The following INSR variants were observed in gnomAD, a reference collection of about 807,000 sequenced individuals.
The protein encoded by INSR is insulin receptor.
In INSR, 67 loss-of-function variants were observed where a neutral mutation model predicts 142.6. The observed-to-expected ratio is 0.47, with a 90% confidence interval of 0.39 to 0.58. INSR has a LOEUF of 0.58. Among genes scored for constraint, INSR ranks in the 20% least tolerant of loss-of-function variants. The probability of loss-of-function intolerance (pLI) is 0.00; values close to 1 mark genes in which losing one functional copy is unlikely to be tolerated. For synonymous variants in INSR, 756 were observed against 743.1 expected, an observed-to-expected ratio of 1.02 and a Z score of -0.28; for missense variants, 1,248 against 1,833.2, an observed-to-expected ratio of 0.68 and a Z score of 5.83.
Position 7,126,853 on chromosome 19 carries a change from G to A in INSR, c.2946-202C>T, listed in dbSNP as rs372220089. The stretch of plus-strand genomic sequence containing the variant: ...GACAGGTATGTAAGTGCATCAACAT[G>A]GGAGCACTCATCCCTCCCTGGGTGG... On this transcript the variant is annotated intron_variant, in intron 15 of 21. Transcript: ENST00000302850. 3.3e-4 allele frequency among the ~76,000 whole-genome samples: 50 copies of A among 151,934 alleles called. No individual in the cohort carries two copies. The South Asian group carries it at 0.01, about 31-fold the overall frequency.
chr19:7,124,378 A>AAG lies in INSR; in HGVS notation c.3258+904_3258+905insCT, dbSNP rs1555735522. 1.3e-4 allele frequency among the ~76,000 whole-genome samples: 15 copies of AAG among 119,042 alleles called. 1 individual carries two copies. Among genetic ancestry groups the AAG allele is most frequent in the Non-Finnish European group, 2.0e-4 (12 of 58,906 alleles). 78.1% of individuals were successfully genotyped at this position (119,042 alleles called of 152,430 possible). On this transcript the variant is annotated intron_variant, in intron 17 of 21. Coordinates refer to ENST00000302850, the MANE Select transcript of INSR (RefSeq NM_000208.4). ...AGTGAGACTCCATCTCAAAAAAAAAAAAAAAAAACAATCAGCCAGGCGTGG... is the reference window on the plus strand; with the variant it reads ...AGTGAGACTCCATCTCAAAAAAAAAAAGAAAAAAAACAATCAGCCAGGCGTGG...
At chr19:7,254,954 C>G (rs1224739494) in intron 2 of INSR, among the ~76,000 whole-genome samples, 1 of 152,196 alleles carries the variant, frequency 6.6e-6, no homozygotes, top group African/African-American at 2.4e-5. Flanking sequence ...TACCCGCCTT[C>G]TTCCCAAAAG....
chr19:7,168,012 G>T lies in INSR; in HGVS notation c.1566C>A (p.Pro522=). Reference sequence around the variant, plus strand: ...TGAACCCCAAGAGGTCTCGGAAGTCGGGGGGCCAGTACGGCTCCCATCTCA... The same window carrying T: ...TGAACCCCAAGAGGTCTCGGAAGTCTGGGGGCCAGTACGGCTCCCATCTCA... The part of the protein sequence containing the change: ...ILLRWEPYWP[P]DFRDLLGFML... The change falls in exon 7 of 22, where the codon CCC becomes CCA. Residue 522 remains proline (P), a synonymous_variant. Coordinates refer to ENST00000302850, the MANE Select transcript of INSR (RefSeq NM_000208.4). The surrounding 1 kb of genome is among the most constrained non-coding windows in gnomAD (Gnocchi z 4.3). The T allele has an allele frequency of 1.2e-6, 2 of 1,613,730 alleles. No homozygotes were observed. Among genetic ancestry groups the T allele is most frequent in the Non-Finnish European group, 1.7e-6 (2 of 1,179,740 alleles).
intron 2 of INSR, among the ~76,000 whole-genome samples, chr19:7,227,435 G>C (rs1400929556): frequency 6.6e-6 from 1 of 151,998 alleles, no homozygotes; most frequent in Admixed American, 6.6e-5. Flanking sequence ...ACCACACCTG[G>C]TTAATTTTTG....
chr19:7,149,564 G>GT (rs1256257565), intron 11 of INSR, among the ~76,000 whole-genome samples: 1 of 152,124 alleles, frequency 6.6e-6, no homozygotes, highest in East Asian at 1.9e-4. Flanking sequence ...GCTCACGCCT[G>GT]TAATTCCAGC....
Position 7,184,316 on chromosome 19 carries a change from T to A in INSR, c.974A>T (p.Asn325Ile). Residue 325 changes from asparagine (N) to isoleucine (I), a missense_variant and splice_region_variant, in exon 3 of 22, where the codon AAC (asparagine) becomes ATC (isoleucine). Physicochemically the swap from Asn to Ile is moderately radical, Grantham distance 149. This residue lies in a region of INSR where 1,069 missense variants were observed against 1,654.0 expected (regional missense o/e 0.65). Coordinates refer to ENST00000302850, the MANE Select transcript of INSR (RefSeq NM_000208.4). ...CPSGYTMNSS[N>I]LLCTPCLGPC... ...CCCCAGACCCACATCCAGAACTCAC[T>A]TGCTGGAATTCATCGTGTACCCGGA... 1 of 1,613,434 alleles carries A rather than the reference T, an allele frequency of 6.2e-7. No homozygotes were observed. The highest frequency in any genetic ancestry group is 8.5e-7 in the Non-Finnish European group (1 of 1,179,808).
intron 3 of INSR, among the ~76,000 whole-genome samples, chr19:7,183,743 C>A (rs1403013703): frequency 6.6e-6 from 1 of 152,006 alleles, no homozygotes; most frequent in Non-Finnish European, 1.5e-5. Context: ...TGAAGCCAAC[C>A]ACAGAAAGCT....
intron 15 of INSR, among the ~76,000 whole-genome samples, chr19:7,126,884 T>G (rs570467917): frequency 2.6e-4 from 39 of 152,176 alleles, no homozygotes; most frequent in South Asian, 6.2e-4. Context: ...GGTGGTTTTT[T>G]TTTTGTTTTG....
At chr19:7,238,882 T>C (rs1264556472) in intron 2 of INSR, among the ~76,000 whole-genome samples, 3 of 142,104 alleles carry the variant, frequency 2.1e-5, no homozygotes, top group Non-Finnish European at 3.0e-5. Context: ...CAGATATTTG[T>C]AGACCCGTGT....
intron 11 of INSR, 111 bp from the exon 12 acceptor site, chr19:7,143,201 G>A (rs1973116278): frequency 2.4e-6 from 3 of 1,247,746 alleles, no homozygotes; most frequent in South Asian, 1.2e-5. Context: ...AGCGCAGGAG[G>A]GTGCAGCAAT....
intron 2 of INSR, among the ~76,000 whole-genome samples, chr19:7,248,415 G>C (rs182938201): frequency 2.1e-5 from 3 of 145,714 alleles, no homozygotes; most frequent in Admixed American, 6.9e-5. Flanking sequence ...AAGCCTGAGA[G>C]GTTGAGGCTT....
At position 7,168,677 on chromosome 19, in the gene INSR, C is replaced by T. The variant is rs563158420; in HGVS notation, c.1484-583G>A. On this transcript the variant is annotated intron_variant, in intron 6 of 21. Coordinates refer to ENST00000302850, the MANE Select transcript of INSR (RefSeq NM_000208.4). The surrounding 1 kb of genome is among the most constrained non-coding windows in gnomAD (Gnocchi z 4.3). ...TTGCTCTGTCACCAAGGCTGGAGTG[C>T]AGTCCACCTACCGGGTTTAAGCAAT... 5.9e-5 allele frequency among the ~76,000 whole-genome samples: 9 copies of T among 152,204 alleles called. No homozygotes were observed. The South Asian group carries it at 6.2e-4, about 11-fold the overall frequency.
intron 2 of INSR, among the ~76,000 whole-genome samples, chr19:7,226,504 T>C (rs1046322553): frequency 3.3e-5 from 5 of 150,212 alleles, no homozygotes; most frequent in African/African-American, 1.2e-4. Context: ...GGCAGGAGAG[T>C]TGCTTGAGCC....
intron 1 of INSR, among the ~76,000 whole-genome samples, chr19:7,276,449 A>T (rs1968065497): frequency 7.4e-6 from 1 of 135,976 alleles, no homozygotes. Flanking sequence ...GGCCAGTAAC[A>T]GCATTCTTAA....
At chr19:7,289,761 T>TCAGA (rs899594466) in intron 1 of INSR, among the ~76,000 whole-genome samples, 3 of 152,048 alleles carry the variant, frequency 2.0e-5, no homozygotes, top group Admixed American at 2.0e-4. Flanking sequence ...GGTAAATGTC[T>TCAGA]CAGACAGGGA....
rs899258057 is a variant in INSR, at chr19:7,216,540, G to A, written c.653-31903C>T. 5.9e-5 allele frequency among the ~76,000 whole-genome samples: 9 copies of A among 152,154 alleles called. No homozygotes were observed. Among genetic ancestry groups the A allele is most frequent in the African/African-American group, 1.9e-4 (8 of 41,434 alleles). On this transcript the variant is annotated intron_variant, in intron 2 of 21. Coordinates refer to ENST00000302850, the MANE Select transcript of INSR (RefSeq NM_000208.4). This position sits in a 1 kb window ranked among gnomAD's most constrained non-coding sequence, Gnocchi z 4.2. ...GGGGATGTCCCCGGGCTCTGGGTTC[G>A]AAAATGCAGGCCCCTTGTATCCAGG...
At chr19:7,190,563 G>A (rs539528458) in intron 2 of INSR, among the ~76,000 whole-genome samples, 16 of 151,990 alleles carry the variant, frequency 1.1e-4, no homozygotes, top group African/African-American at 2.9e-4. Context: ...GTAGAGATGG[G>A]GTTTCACCAC....
chr19:7,132,060 C>T (rs1972796272), intron 14 of INSR, 98 bp downstream of exon 14: 2 of 1,474,178 alleles, frequency 1.4e-6, no homozygotes, highest in African/African-American at 1.4e-5. Context: ...AAGGCCAGGG[C>T]CAGCACCTGC....
chr19:7,151,119 TTCCTTTCTCTG>T (rs1239429758), intron 10 of INSR, among the ~76,000 whole-genome samples: 2 of 148,688 alleles, frequency 1.3e-5, no homozygotes, highest in East Asian at 4.0e-4. Flanking sequence ...CCTTGCCCCC[TTCCTTTCTCTG>T]TCCTTTCTTT....
Sources: allele counts gnomAD v4.1 joint callset (sites outside exome capture counted in the v4.1 genomes callset), GRCh38; gene constraint gnomAD v4.1.1; regional missense constraint gnomAD v4.1.1; non-coding constraint Gnocchi (gnomAD v3.1); transcripts MANE v1.5; gene names NCBI Gene and HGNC (gene_info 2026-07-23, HGNC 2026-07-21).